DOCK5: variants seen among roughly 807,000 people sequenced by gnomAD.
The protein encoded by DOCK5 is dedicator of cytokinesis protein 5.
Under a neutral mutation model 251.8 loss-of-function variants are expected in DOCK5, and 142 were observed. The observed-to-expected ratio is 0.56, with a 90% CI of 0.49 to 0.65. The LOEUF (loss-of-function observed/expected upper bound fraction) is 0.65. DOCK5 is among the 30% of genes least tolerant of loss of function. The probability of loss-of-function intolerance (pLI) is 0.00; values close to 1 mark genes in which losing one functional copy is unlikely to be tolerated. For synonymous variants in DOCK5, 842 were observed against 835.5 expected (o/e 1.01, Z -0.13); for missense variants, 2,111 against 2,312.3 (o/e 0.91, Z 1.79).
intron 18 of DOCK5, among the ~76,000 whole-genome samples, chr8:25,330,937 G>C (rs1448087853): frequency 6.6e-6 from 1 of 151,858 alleles, no homozygotes; most frequent in Non-Finnish European, 1.5e-5. Flanking sequence ...AATTAGCCAG[G>C]TGTGGTGGTG....
Position 25,209,956 on chromosome 8 carries a change from T to TCAG in DOCK5, c.43+25006_43+25008dup, listed in dbSNP as rs200873954. On this transcript the variant is annotated intron_variant, in intron 1 of 51. Coordinates refer to ENST00000276440, the MANE Select transcript of DOCK5 (RefSeq NM_024940.8). ...GCAGTGGCGCCATGATCCTCCCCCC[T>TCAG]CAGTCTCTTGAGCTGCTGGGACTAC... is the stretch of plus-strand genomic sequence containing the variant. Among the ~76,000 whole-genome samples, 312 of 60,092 alleles carry TCAG rather than the reference T, an allele frequency of 5.2e-3. 52 individuals carry two copies. Among genetic ancestry groups the TCAG allele is most frequent in the African/African-American group, 0.012 (300 of 25,714 alleles). 39.4% of individuals were successfully genotyped at this position (60,092 alleles called of 152,430 possible).
At chr8:25,298,903 G>T in intron 7 of DOCK5, 41 bp from the exon 8 acceptor site, 5 of 1,550,308 alleles carry the variant, frequency 3.2e-6, no homozygotes, top group Non-Finnish European at 4.3e-6. Flanking sequence ...TTTCCCATTT[G>T]CCAAAATCAA....
intron 1 of DOCK5, among the ~76,000 whole-genome samples, chr8:25,199,216 C>T (rs1431983677): frequency 6.6e-6 from 1 of 152,110 alleles, no homozygotes; most frequent in South Asian, 2.1e-4. Context: ...AAGAAAGGGT[C>T]ATGTATTGCT....
intron 5 of DOCK5, among the ~76,000 whole-genome samples, chr8:25,280,145 T>C (rs1293510994): frequency 6.6e-6 from 1 of 152,240 alleles, no homozygotes; most frequent in African/African-American, 2.4e-5. Flanking sequence ...CCTCTGTTAG[T>C]GGGTTCCAGC....
At chr8:25,395,834 C>A (rs1309330733) in intron 45 of DOCK5, 115 bp downstream of exon 45, 4 of 1,236,972 alleles carry the variant, frequency 3.2e-6, no homozygotes, top group South Asian at 1.3e-5. Flanking sequence ...AAGAAATGTT[C>A]ACTTTCCCTT....
At chr8:25,189,469 T>C (rs1281077603) in intron 1 of DOCK5, among the ~76,000 whole-genome samples, 1 of 152,028 alleles carries the variant, frequency 6.6e-6, no homozygotes, top group African/African-American at 2.4e-5. Context: ...CAAGTGACCC[T>C]CCAGCCTCAG....
At chr8:25,316,078 C>T (rs1320071125) in intron 13 of DOCK5, among the ~76,000 whole-genome samples, 1 of 151,750 alleles carries the variant, frequency 6.6e-6, no homozygotes, top group Non-Finnish European at 1.5e-5. Flanking sequence ...AATATGTGGG[C>T]CACACATTTA....
intron 44 of DOCK5, among the ~76,000 whole-genome samples, chr8:25,395,116 A>G (rs369187132): frequency 1.4e-3 from 218 of 152,248 alleles, no homozygotes; most frequent in African/African-American, 5.1e-3. Flanking sequence ...TCTAGAGGTA[A>G]TGGGAGACAG....
At chr8:25,408,216 A>G (rs1801557278) in intron 49 of DOCK5, 62 bp downstream of exon 49, 1 of 1,481,504 alleles carries the variant, frequency 6.7e-7, no homozygotes, top group Non-Finnish European at 9.0e-7. Context: ...CCCTGTACCC[A>G]GGCATATCAC....
In DOCK5 at chr8:25,342,398, C is replaced by A; in HGVS notation, c.2511-3C>A. 1.9e-6 allele frequency: 3 copies of A among 1,580,456 alleles called. No individual in the cohort carries two copies. Among genetic ancestry groups the A allele is most frequent in the Non-Finnish European group, 2.6e-6 (3 of 1,160,926 alleles). ...ACTACTAACCCTGAGGTTTCTCTCC[C>A]AGCGTGCTCTTCTGCAAATTCATTC... On this transcript the variant is annotated splice_region_variant and splice_polypyrimidine_tract_variant and intron_variant, in intron 24 of 51. Coordinates refer to ENST00000276440, the MANE Select transcript of DOCK5 (RefSeq NM_024940.8).
chr8:25,188,126 CTCT>C (rs1028680589), intron 1 of DOCK5, among the ~76,000 whole-genome samples: 51 of 152,158 alleles, frequency 3.4e-4, no homozygotes, highest in African/African-American at 1.2e-3. Flanking sequence ...CAGTTTTTTC[CTCT>C]TCTTTTTCTT....
chr8:25,184,697 G>A lies in DOCK5; in HGVS notation c.-212G>A, dbSNP rs1465664649. ...CGCCAGGAGGGGCGCGCACTGCTGC[G>A]CTGCAGCCCGGCCCAGCAGGTGACC... On this transcript the variant is annotated 5_prime_UTR_variant, in exon 1 of 52. Coordinates refer to ENST00000276440, the MANE Select transcript of DOCK5 (RefSeq NM_024940.8). 8 of 181,550 alleles carry A rather than the reference G, an allele frequency of 4.4e-5. No individual in the cohort carries two copies. The highest frequency in any genetic ancestry group is 8.6e-5 in the Non-Finnish European group (8 of 92,798). The allele number at this position is 181,550 out of a possible 1,614,324, so 11.2% of individuals were successfully genotyped here. A position where few individuals can be genotyped will look rare whatever the true frequency, so the allele number is the denominator to read the frequency against.
intron 1 of DOCK5, among the ~76,000 whole-genome samples, chr8:25,228,182 C>G (rs1802578036): frequency 6.6e-6 from 1 of 152,162 alleles, no homozygotes. Context: ...TGGCCATTTT[C>G]TGTGTTTTTG....
intron 11 of DOCK5, among the ~76,000 whole-genome samples, chr8:25,308,431 C>G (rs1487174157): frequency 6.6e-6 from 1 of 152,054 alleles, no homozygotes; most frequent in Non-Finnish European, 1.5e-5. Flanking sequence ...AGAAGTAGAC[C>G]TGGGGGCTCC....
At chr8:25,351,666 G>C (rs1347731186) in intron 26 of DOCK5, 65 bp from the exon 27 acceptor site, 4 of 1,282,084 alleles carry the variant, frequency 3.1e-6, no homozygotes, top group Non-Finnish European at 4.4e-6. Flanking sequence ...TCATCTATCT[G>C]AGGTTCCTTA....
chr8:25,339,715 C>T (rs891186082), intron 22 of DOCK5, among the ~76,000 whole-genome samples: 6 of 152,100 alleles, frequency 3.9e-5, no homozygotes, highest in Admixed American at 2.0e-4. Context: ...GGAGAGAGAG[C>T]GGGAGTGGCC....
In DOCK5 at chr8:25,319,243, C is replaced by T. The variant is rs142323180; in HGVS notation, c.1444-335C>T. Among the ~76,000 whole-genome samples the T allele has an allele frequency of 1.2e-4, 18 of 152,236 alleles. No individual in the cohort carries two copies. The Middle Eastern group carries it at 0.014, about 115-fold the overall frequency. ...CGTCTGCAGTTGTCACCTAACTTCT[C>T]GTCATCGTCATGTTCCCTGAGAGAG... On this transcript the variant is annotated intron_variant, in intron 14 of 51. Transcript: ENST00000276440.
rs1236442543 is a variant in DOCK5, at chr8:25,201,798, G to C, written c.43+16847G>C. 2.6e-5 allele frequency among the ~76,000 whole-genome samples: 4 copies of C among 152,290 alleles called. No individual in the cohort carries two copies. In the East Asian group the frequency reaches 7.7e-4, roughly 29 times the overall value. ...GGCAGTACGTGATAGCTATCTGAAA[G>C]TTTGCTCAGTCGCAGCCTCCCTGAC... On this transcript the variant is annotated intron_variant, in intron 1 of 51. Transcript: ENST00000276440.
At position 25,410,706 on chromosome 8, in the gene DOCK5, C is replaced by T. The variant is rs865967597; in HGVS notation, c.5509-488C>T. On this transcript the variant is annotated intron_variant, in intron 51 of 51. Transcript: ENST00000276440. ...CAAACTCCTGGCCTCAAGTGATCCCCCCCACCCACCTCAGCCTTCCAAAGT... is the reference window on the plus strand; with the variant it reads ...CAAACTCCTGGCCTCAAGTGATCCCTCCCACCCACCTCAGCCTTCCAAAGT... Among the ~76,000 whole-genome samples the T allele has an allele frequency of 6.0e-3, 840 of 139,820 alleles. 10 individuals are homozygous for T. Among genetic ancestry groups the T allele is most frequent in the Non-Finnish European group, 5.6e-3 (355 of 63,696 alleles). 91.7% of individuals were successfully genotyped at this position (139,820 alleles called of 152,430 possible).
Sources: gnomAD v4.1 joint callset for allele counts (sites outside exome capture counted in the v4.1 genomes callset) on GRCh38, gnomAD v4.1.1 for gene constraint, MANE v1.5 for transcripts, NCBI Gene and HGNC (gene_info 2026-07-23, HGNC 2026-07-21) for gene names.